Variants in CIITA observed in about 807,000 individuals in gnomAD.
CIITA encodes class II major histocompatibility complex transactivator, also known as MHC class II transactivator.
Under a neutral mutation model 115.1 loss-of-function variants are expected in CIITA, and 72 were observed. The observed-to-expected ratio is 0.63, with a 90% CI of 0.52 to 0.76. The LOEUF is 0.76. Among genes scored for constraint, CIITA ranks in the 30% least tolerant of loss-of-function variants. The probability of loss-of-function intolerance (pLI) is 0.00; values close to 1 mark genes in which losing one functional copy is unlikely to be tolerated. For missense variants in CIITA, 1,617 were observed against 1,463.8 expected, an observed-to-expected ratio of 1.10 and a Z score of -1.71; for synonymous variants, 763 against 635.6, an observed-to-expected ratio of 1.20 and a Z score of -3.02.
chr16:10,904,421 A>T (rs1274085563), intron 9 of CIITA, among the ~76,000 whole-genome samples: 3 of 152,114 alleles, frequency 2.0e-5, no homozygotes, highest in African/African-American at 7.2e-5. Context: ...AAGTTTAACC[A>T]TGTTGGCCAG....
At chr16:10,882,964 G>C (rs959681810) in intron 1 of CIITA, among the ~76,000 whole-genome samples, 5 of 152,196 alleles carry the variant, frequency 3.3e-5, no homozygotes, top group African/African-American at 1.2e-4. Context: ...AATCACTGGG[G>C]GTGAGGCCCA....
intron 1 of CIITA, among the ~76,000 whole-genome samples, chr16:10,890,229 G>T (rs1343138957): frequency 1.3e-5 from 2 of 152,060 alleles, no homozygotes; most frequent in Non-Finnish European, 2.9e-5. Flanking sequence ...CAACTTCTCA[G>T]TGGTGGTGAT....
intron 12 of CIITA, among the ~76,000 whole-genome samples, chr16:10,909,932 G>A (rs1254653619): frequency 1.3e-5 from 2 of 152,086 alleles, no homozygotes; most frequent in Non-Finnish European, 2.9e-5. Flanking sequence ...CAGGGATCTT[G>A]CTATGTTGCC....
intron 1 of CIITA, among the ~76,000 whole-genome samples, chr16:10,871,294 T>C (rs115063309): frequency 0.031 from 4,651 of 152,236 alleles, 234 homozygotes; most frequent in African/African-American, 0.11. Flanking sequence ...AAGCCCAACG[T>C]GCATGGTGGA....
At chr16:10,868,119 G>T (rs1302060620) in intron 1 of CIITA, among the ~76,000 whole-genome samples, 1 of 152,160 alleles carries the variant, frequency 6.6e-6, no homozygotes, top group Non-Finnish European at 1.5e-5. Context: ...TGCAAGTCTT[G>T]AGAGAATAAC....
chr16:10,939,303 C>G (rs1405794656), downstream of CIITA: 1 of 152,260 alleles, frequency 6.6e-6, no homozygotes, highest in Non-Finnish European at 1.5e-5. The surrounding 1 kb of genome is among the most constrained non-coding windows in gnomAD (Gnocchi z 4.9). Context: ...CCCTCTTACC[C>G]CTCAGCTCAT....
intron 11 of CIITA, 107 bp downstream of exon 11, chr16:10,908,256 C>T (rs199476073): frequency 1.8e-5 from 23 of 1,313,932 alleles, no homozygotes; most frequent in African/African-American, 7.3e-5. Flanking sequence ...GCAGAGCAGC[C>T]GGGTGGGGCA....
chr16:10,876,981 T>G (rs1004052184), upstream of CIITA, among the ~76,000 whole-genome samples: 1 of 152,194 alleles, frequency 6.6e-6, no homozygotes, highest in African/African-American at 2.4e-5. Flanking sequence ...AGACTTTCTG[T>G]GCAACTTTCT....
intron 3 of CIITA, 151 bp downstream of exon 3, chr16:10,895,915 G>C (rs1415307035): frequency 1.1e-5 from 9 of 809,002 alleles, no homozygotes; most frequent in South Asian, 2.9e-5. Context: ...TGGAGGAACG[G>C]AGACTCCAGG....
At chr16:10,870,044 C>T (rs187141334) in intron 1 of CIITA, among the ~76,000 whole-genome samples, 2 of 150,458 alleles carry the variant, frequency 1.3e-5, no homozygotes, top group East Asian at 3.9e-4. Context: ...TCATGTAATG[C>T]CATTATTCCT....
intron 11 of CIITA, 66 bp from the exon 12 acceptor site, chr16:10,908,963 G>A: frequency 1.9e-6 from 3 of 1,611,358 alleles, no homozygotes; most frequent in Non-Finnish European, 2.5e-6. Flanking sequence ...GACCCTTCAT[G>A]GAGCTGCCCT....
rs2040472413 is a variant in CIITA at position 10,925,010 on chromosome 16, CA to C, written c.*1156del. On this transcript the variant is annotated 3_prime_UTR_variant, in exon 20 of 20. Coordinates refer to ENST00000324288, the MANE Select transcript of CIITA (RefSeq NM_000246.4). ...TCTGCTCACATATCTGTCATTTGAG[CA>C]GGGCTCAGCGGGGACAGCTCCTTCT... is the stretch of plus-strand genomic sequence containing the variant. 1 of 152,258 alleles carries C rather than the reference CA, an allele frequency of 6.6e-6. No homozygotes were observed. The highest frequency in any genetic ancestry group is 2.4e-5 in the African/African-American group (1 of 41,456). The allele number at this position is 152,258 out of a possible 1,614,324, so 9.4% of individuals were successfully genotyped here.
At chr16:10,919,168 C>A (rs2040132142) in intron 16 of CIITA, among the ~76,000 whole-genome samples, 1 of 151,996 alleles carries the variant, frequency 6.6e-6, no homozygotes, top group African/African-American at 2.4e-5. Context: ...GGCATTTGGT[C>A]CCTTATTATT....
chr16:10,907,019 C>T lies in CIITA; in HGVS notation c.1527C>T (p.Gly509=), dbSNP rs1427227633. The change falls in exon 11 of 20, where the codon GGC becomes GGT. Residue 509 remains glycine (G), a synonymous_variant. Transcript: ENST00000324288. The surrounding 1 kb of genome is among the most constrained non-coding windows in gnomAD (Gnocchi z 5.0). ...TCGAGGAGCTGGAAGCGCAAGATGGCTTCCTGCACAGCACGTGCGGACCGG... is the reference window on the plus strand; with the variant it reads ...TCGAGGAGCTGGAAGCGCAAGATGGTTTCCTGCACAGCACGTGCGGACCGG... ...DGFEELEAQD[G]FLHSTCGPAP... is the part of the protein sequence containing the mutation. 3.6e-5 allele frequency: 58 copies of T among 1,609,114 alleles called. No homozygotes were observed. Among genetic ancestry groups the T allele is most frequent in the Non-Finnish European group, 4.8e-5 (57 of 1,179,866 alleles).
rs368660730 is a variant in CIITA, at chr16:10,930,469, C to G, written c.*6614C>G. 2.3e-4 allele frequency: 35 copies of G among 152,230 alleles called. No individual in the cohort carries two copies. Among genetic ancestry groups the G allele is most frequent in the African/African-American group, 8.4e-4 (35 of 41,524 alleles). 9.4% of individuals were successfully genotyped at this position (152,230 alleles called of 1,614,324 possible). A position where few individuals can be genotyped will look rare whatever the true frequency, so the allele number is the denominator to read the frequency against. On this transcript the variant is annotated 3_prime_UTR_variant, in exon 20 of 20. Coordinates refer to ENST00000324288, the MANE Select transcript of CIITA (RefSeq NM_000246.4). Reference sequence around the variant, plus strand: ...TGCCCTCCTACCCTATTTCCAAGGTCGACCTAAGGGGGCGGAACTGTTTCC... The same window carrying G: ...TGCCCTCCTACCCTATTTCCAAGGTGGACCTAAGGGGGCGGAACTGTTTCC...
At chr16:10,869,668 C>A in intron 1 of CIITA, among the ~76,000 whole-genome samples, 1 of 152,064 alleles carries the variant, frequency 6.6e-6, no homozygotes, top group Non-Finnish European at 1.5e-5. Flanking sequence ...CAGGTTTGTG[C>A]CACTATGCCT....
rs764426527 is a variant in CIITA, at chr16:10,901,823, C to T, written c.482-215C>T. 4.0e-5 allele frequency: 30 copies of T among 746,644 alleles called. 2 individuals are homozygous for T. In the South Asian group the frequency reaches 4.7e-4, roughly 12 times the overall value. 46.3% of individuals were successfully genotyped at this position (746,644 alleles called of 1,614,324 possible). A position where few individuals can be genotyped will look rare whatever the true frequency, so the allele number is the denominator to read the frequency against. On this transcript the variant is annotated intron_variant, in intron 6 of 19. Transcript: ENST00000324288. The surrounding 1 kb of genome is among the most constrained non-coding windows in gnomAD (Gnocchi z 6.8). The stretch of plus-strand genomic sequence containing the variant: ...CTCTCCGTGTGGAGGCCCTAGGGTC[C>T]TGCTCAGCATAGCTCTCAGAGCCAA...
chr16:10,902,696 C>A lies in CIITA; in HGVS notation c.667C>A (p.Pro223Thr). 1 of 1,614,242 alleles carries A rather than the reference C, an allele frequency of 6.2e-7. No individual in the cohort carries two copies. Residue 223 changes from proline to threonine, a missense_variant, in exon 8 of 20, where the codon CCT becomes ACT. Pro to Thr is a conservative substitution (Grantham distance 38). Transcript: ENST00000324288. ...SSSSLSCLNL[P>T]EGPIQFVPTI... ...TTCCTCGTTGAGCTGCCTGAATCTC[C>A]CTGAGGGACCCATCCAGTTTGTCCC...
chr16:10,933,600 A>C lies in CIITA; in HGVS notation c.*9745A>C. On this transcript the variant is annotated 3_prime_UTR_variant, in exon 20 of 20. Coordinates refer to ENST00000324288, the MANE Select transcript of CIITA (RefSeq NM_000246.4). ...GCTGTTTGTGTCCATGGAGTGCCTG[A>C]CAATACCCAGCACACACGAGACATC... is the stretch of plus-strand genomic sequence containing the variant. The C allele has an allele frequency of 6.6e-6, 1 of 152,392 alleles. No individual in the cohort carries two copies. The highest frequency in any genetic ancestry group is 1.5e-5 in the Non-Finnish European group (1 of 68,074). The allele number at this position is 152,392 out of a possible 1,614,324, so 9.4% of individuals were successfully genotyped here.
Sources: allele counts gnomAD v4.1 joint callset (sites outside exome capture counted in the v4.1 genomes callset), GRCh38; gene constraint gnomAD v4.1.1; non-coding constraint Gnocchi (gnomAD v3.1); transcripts MANE v1.5; gene names NCBI Gene and HGNC (gene_info 2026-07-23, HGNC 2026-07-21).